The following PCDHGB7 variants were observed in gnomAD, a reference collection of about 807,000 sequenced individuals.
PCDHGB7 encodes the protein protocadherin gamma subfamily B, 7.
Under a neutral mutation model 61.4 loss-of-function variants are expected in PCDHGB7, and 37 were observed. The observed-to-expected ratio is 0.60, with a 90% CI of 0.46 to 0.79. The LOEUF is 0.79. Among genes scored for constraint, PCDHGB7 ranks in the 30% least tolerant of loss-of-function variants. The pLI is 0.00. For synonymous variants in PCDHGB7, 464 were observed against 503.5 expected (o/e 0.92, Z 1.05); for missense variants, 1,166 against 1,202.5 (o/e 0.97, Z 0.45).
intron 1 of PCDHGB7, chr5:141,423,613 GA>G (rs1164845631): frequency 1.9e-6 from 3 of 1,610,782 alleles, no homozygotes; most frequent in Admixed American, 1.7e-5. Context: ...CTTGATAGCT[GA>G]AGACTCAGCT....
chr5:141,428,513 AAAG>A (rs891793310), intron 1 of PCDHGB7: 2 of 280,938 alleles, frequency 7.1e-6, no homozygotes, highest in Non-Finnish European at 1.4e-5. Context: ...GATTCTAGAA[AAAG>A]AAGATTTAAT....
rs537619617 is a variant in PCDHGB7 at position 141,483,429 on chromosome 5, C to G, written c.2416-11378C>G. On this transcript the variant is annotated intron_variant, in intron 1 of 3. Coordinates refer to ENST00000398594, the MANE Select transcript of PCDHGB7 (RefSeq NM_018927.4). ...ACAGTGGCAGTACAGATGGAGGGAGCTGACTACAATAAAATCATCAGGACT... is the reference window on the plus strand; with the variant it reads ...ACAGTGGCAGTACAGATGGAGGGAGGTGACTACAATAAAATCATCAGGACT... Among the ~76,000 whole-genome samples the G allele has an allele frequency of 5.3e-5, 8 of 152,158 alleles. No individual in the cohort carries two copies. In the East Asian group the frequency reaches 1.5e-3, roughly 29 times the overall value.
In PCDHGB7 at chr5:141,491,771, G is replaced by C. The variant is rs760915700; in HGVS notation, c.2416-3036G>C. ...GGAGAAGCCGCCCGTCCTCATAAGG[G>C]ATTGAACTTGCATCCACTCCTCTCC... On this transcript the variant is annotated intron_variant, in intron 1 of 3. Coordinates refer to ENST00000398594, the MANE Select transcript of PCDHGB7 (RefSeq NM_018927.4). The surrounding 1 kb of genome is among the most constrained non-coding windows in gnomAD (Gnocchi z 6.9). 6.4e-7 allele frequency: 1 copy of C among 1,558,290 alleles called. No individual in the cohort carries two copies. Among genetic ancestry groups the C allele is most frequent in the Non-Finnish European group, 8.7e-7 (1 of 1,153,586 alleles).
Position 141,491,686 on chromosome 5 carries a change from C to A in PCDHGB7, c.2416-3121C>A. The A allele has an allele frequency of 6.2e-7, 1 of 1,612,970 alleles. No homozygotes were observed. The highest frequency in any genetic ancestry group is 8.5e-7 in the Non-Finnish European group (1 of 1,179,558). Reference sequence around the variant, plus strand: ...CATCCGGTCCCGCTCTAATACGCTGCGGGAGCGGAGCCAGGTGAGGGGCTC... The same window carrying A: ...CATCCGGTCCCGCTCTAATACGCTGAGGGAGCGGAGCCAGGTGAGGGGCTC... On this transcript the variant is annotated intron_variant, in intron 1 of 3. Coordinates refer to ENST00000398594, the MANE Select transcript of PCDHGB7 (RefSeq NM_018927.4). The surrounding 1 kb of genome is among the most constrained non-coding windows in gnomAD (Gnocchi z 6.9).
In PCDHGB7 at chr5:141,427,233, G is replaced by A. The variant is rs147039909; in HGVS notation, c.2415+6959G>A. On this transcript the variant is annotated intron_variant, in intron 1 of 3. Transcript: ENST00000398594. Reference sequence around the variant, plus strand: ...ATTTCGTAGCAGTTATACCATGAGAGTAGAAGCTAAGGATGGTGGAGGCAT... The same window carrying A: ...ATTTCGTAGCAGTTATACCATGAGAATAGAAGCTAAGGATGGTGGAGGCAT... 180 of 456,756 alleles carry A rather than the reference G, an allele frequency of 3.9e-4. 1 individual carries two copies. The highest frequency in any genetic ancestry group is 3.5e-3 in the African/African-American group (176 of 50,196). The allele number at this position is 456,756 out of a possible 1,614,324, so 28.3% of individuals were successfully genotyped here.
rs374093302 is a variant in PCDHGB7, at chr5:141,419,239, C to T, written c.1380C>T (p.His460=). ...PVFGQSAYLV[H]VPENNQPGAS... Reference sequence around the variant, plus strand: ...TCGGACAGTCAGCCTACCTGGTCCACGTGCCAGAAAACAACCAGCCGGGTG... The same window carrying T: ...TCGGACAGTCAGCCTACCTGGTCCATGTGCCAGAAAACAACCAGCCGGGTG... Residue 460 remains histidine (H), a synonymous_variant, in exon 1 of 4, where the codon CAC becomes CAT. Coordinates refer to ENST00000398594, the MANE Select transcript of PCDHGB7 (RefSeq NM_018927.4). The T allele has an allele frequency of 3.7e-6, 6 of 1,614,008 alleles. No individual in the cohort carries two copies. The highest frequency in any genetic ancestry group is 2.2e-5 in the East Asian group (1 of 44,888).
At position 141,491,591 on chromosome 5, in the gene PCDHGB7, G is replaced by A. The variant is rs969259993; in HGVS notation, c.2416-3216G>A. 22 of 1,613,862 alleles carry A rather than the reference G, an allele frequency of 1.4e-5. No individual in the cohort carries two copies. The highest frequency in any genetic ancestry group is 1.8e-5 in the Non-Finnish European group (21 of 1,180,048). ...ACGTGCTTTTCACCGGCCTCGGACG[G>A]CAGTGACTTCACTTTTCTAAGACCC... On this transcript the variant is annotated intron_variant, in intron 1 of 3. Coordinates refer to ENST00000398594, the MANE Select transcript of PCDHGB7 (RefSeq NM_018927.4). This position sits in a 1 kb window ranked among gnomAD's most constrained non-coding sequence, Gnocchi z 6.9.
At chr5:141,501,333 A>C (rs200092587) in intron 2 of PCDHGB7, among the ~76,000 whole-genome samples, 397 of 140,104 alleles carry the variant, frequency 2.8e-3, no homozygotes, top group Non-Finnish European at 2.6e-3. Flanking sequence ...ACACACACAC[A>C]CCCCAAACTC....
rs1375469711 is a variant in PCDHGB7, at chr5:141,512,102, C to A, written c.*929C>A. On this transcript the variant is annotated 3_prime_UTR_variant, in exon 4 of 4. Coordinates refer to ENST00000398594, the MANE Select transcript of PCDHGB7 (RefSeq NM_018927.4). ...GCCATAAACCAATAACTAGGCTGGA[C>A]CCTTCCCACTACATAATAGGGCTCA... The A allele has an allele frequency of 6.5e-6, 1 of 152,688 alleles. No individual in the cohort carries two copies. Among genetic ancestry groups the A allele is most frequent in the Non-Finnish European group, 1.5e-5 (1 of 68,070 alleles). The allele number at this position is 152,688 out of a possible 1,614,324, so 9.5% of individuals were successfully genotyped here. A position where few individuals can be genotyped will look rare whatever the true frequency, so the allele number is the denominator to read the frequency against.
At chr5:141,484,468 C>T (rs2099596877) in intron 1 of PCDHGB7, among the ~76,000 whole-genome samples, 1 of 152,200 alleles carries the variant, frequency 6.6e-6, no homozygotes, top group South Asian at 2.1e-4. Context: ...ATGTGTAAGC[C>T]TTTTCTGCAA....
At chr5:141,505,523 G>C in intron 3 of PCDHGB7, 42 bp downstream of exon 3, 2 of 1,612,760 alleles carry the variant, frequency 1.2e-6, no homozygotes, top group South Asian at 2.2e-5. Context: ...GGGAGACCTG[G>C]GGTTCTGGGG....
At position 141,490,707 on chromosome 5, in the gene PCDHGB7, C is replaced by T; in HGVS notation, c.2416-4100C>T. ...CAGACACTGGGGATAATGCCCGCCT[C>T]ACCTACTCCATTGTAGGAAATCAGG... On this transcript the variant is annotated intron_variant, in intron 1 of 3. Transcript: ENST00000398594. The surrounding 1 kb of genome is among the most constrained non-coding windows in gnomAD (Gnocchi z 5.4). The T allele has an allele frequency of 3.1e-6, 5 of 1,614,194 alleles. No individual in the cohort carries two copies. Among genetic ancestry groups the T allele is most frequent in the Non-Finnish European group, 3.4e-6 (4 of 1,180,008 alleles).
In PCDHGB7 at chr5:141,476,824, C is replaced by A; in HGVS notation, c.2416-17983C>A. On this transcript the variant is annotated intron_variant, in intron 1 of 3. Coordinates refer to ENST00000398594, the MANE Select transcript of PCDHGB7 (RefSeq NM_018927.4). This position sits in a 1 kb window ranked among gnomAD's most constrained non-coding sequence, Gnocchi z 7.6. Reference sequence around the variant, plus strand: ...TGCCTATTCACATCAAGGTGCTGGACGCGAATGACAATGCGCCTGTCTTCA... The same window carrying A: ...TGCCTATTCACATCAAGGTGCTGGAAGCGAATGACAATGCGCCTGTCTTCA... The A allele has an allele frequency of 1.2e-6, 2 of 1,613,588 alleles. No individual in the cohort carries two copies. The highest frequency in any genetic ancestry group is 1.7e-6 in the Non-Finnish European group (2 of 1,180,036).
rs776015544 is a variant in PCDHGB7, at chr5:141,485,125, G to C, written c.2416-9682G>C. The C allele has an allele frequency of 7.1e-7, 1 of 1,412,278 alleles. No homozygotes were observed. Among genetic ancestry groups the C allele is most frequent in the Admixed American group, 1.7e-5 (1 of 57,660 alleles). 87.5% of individuals were successfully genotyped at this position (1,412,278 alleles called of 1,614,324 possible). On this transcript the variant is annotated intron_variant, in intron 1 of 3. Transcript: ENST00000398594. The surrounding 1 kb of genome is among the most constrained non-coding windows in gnomAD (Gnocchi z 5.7). The stretch of plus-strand genomic sequence containing the variant: ...CTGCTGTGGCTGTTTGGGGCGGGTC[G>C]GCTTCATCCGCGTCTCAGGAGCAAG...
In PCDHGB7 at chr5:141,419,514, T is replaced by C. The variant is rs1180212485; in HGVS notation, c.1655T>C (p.Val552Ala). The C allele has an allele frequency of 6.2e-7, 1 of 1,612,266 alleles. No homozygotes were observed. The highest frequency in any genetic ancestry group is 1.7e-5 in the Admixed American group (1 of 59,978). ...GCCAATGTGAGCCTGCGCGTGTTGG[T>C]GGGCGACCGTAACGACAACGCACCG... ...LSANVSLRVL[V>A]GDRNDNAPRV... The change falls in exon 1 of 4, where the codon GTG (valine) becomes GCG (alanine). Residue 552 changes from valine (V) to alanine (A), a missense_variant. Physicochemically the swap from Val to Ala is moderately conservative, Grantham distance 64 (BLOSUM62 0). Coordinates refer to ENST00000398594, the MANE Select transcript of PCDHGB7 (RefSeq NM_018927.4).
chr5:141,482,492 T>C (rs1167963137), intron 1 of PCDHGB7, among the ~76,000 whole-genome samples: 1 of 144,468 alleles, frequency 6.9e-6, no homozygotes, highest in Non-Finnish European at 1.5e-5. Flanking sequence ...TTAAAAGTTA[T>C]CATTCTGGTA....
At position 141,476,792 on chromosome 5, in the gene PCDHGB7, G is replaced by T. The variant is rs376910320; in HGVS notation, c.2416-18015G>T. ...GGACGGAGGGACCCCAGCTCTCTCC[G>T]CCAGCCTGCCTATTCACATCAAGGT... On this transcript the variant is annotated intron_variant, in intron 1 of 3. Coordinates refer to ENST00000398594, the MANE Select transcript of PCDHGB7 (RefSeq NM_018927.4). The surrounding 1 kb of genome is among the most constrained non-coding windows in gnomAD (Gnocchi z 7.6). 4.3e-6 allele frequency: 7 copies of T among 1,612,720 alleles called. No individual in the cohort carries two copies. Among genetic ancestry groups the T allele is most frequent in the Non-Finnish European group, 5.1e-6 (6 of 1,179,958 alleles).
Position 141,477,310 on chromosome 5 carries a change from C to T in PCDHGB7, c.2416-17497C>T. On this transcript the variant is annotated intron_variant, in intron 1 of 3. Coordinates refer to ENST00000398594, the MANE Select transcript of PCDHGB7 (RefSeq NM_018927.4). This position sits in a 1 kb window ranked among gnomAD's most constrained non-coding sequence, Gnocchi z 4.9. ...AAGTTCCACCGGGTCTCCCTTTCAGCCTTACTTCTTCCCTCAAGAATTACT... is the reference window on the plus strand; with the variant it reads ...AAGTTCCACCGGGTCTCCCTTTCAGTCTTACTTCTTCCCTCAAGAATTACT... The T allele has an allele frequency of 6.2e-7, 1 of 1,614,154 alleles. No homozygotes were observed. Among genetic ancestry groups the T allele is most frequent in the Non-Finnish European group, 8.5e-7 (1 of 1,180,018 alleles).
chr5:141,435,372 T>C (rs2097759153), intron 1 of PCDHGB7, among the ~76,000 whole-genome samples: 1 of 152,216 alleles, frequency 6.6e-6, no homozygotes, highest in African/African-American at 2.4e-5. Context: ...CACTTAAATA[T>C]ACAATATACC....
Sources: gnomAD v4.1 joint callset for allele counts (sites outside exome capture counted in the v4.1 genomes callset) on GRCh38, gnomAD v4.1.1 for gene constraint, Gnocchi (gnomAD v3.1) non-coding constraint, MANE v1.5 for transcripts, NCBI Gene and HGNC (gene_info 2026-07-23, HGNC 2026-07-21) for gene names.